The following FER variants were observed in gnomAD, a reference collection of about 807,000 sequenced individuals.
FER encodes tyrosine-protein kinase Fer.
FER carries 63 observed loss-of-function variants against 111.0 expected under a neutral mutation model. The ratio of observed to expected loss-of-function variants is 0.57; its 90% CI spans 0.46 to 0.70. The LOEUF (loss-of-function observed/expected upper bound fraction) is 0.70. Among genes scored for constraint, FER ranks in the 30% least tolerant of loss-of-function variants. FER has a pLI of 0.00. For missense variants in FER, 914 were observed against 954.0 expected, an observed-to-expected ratio of 0.96 and a Z score of 0.55; for synonymous variants, 327 against 313.9, an observed-to-expected ratio of 1.04 and a Z score of -0.44.
At position 109,186,265 on chromosome 5, in the gene FER, G is replaced by C; in HGVS notation, c.2269G>C (p.Gly757Arg). 6.2e-7 allele frequency: 1 copy of C among 1,614,114 alleles called. No individual in the cohort carries two copies. Among genetic ancestry groups the C allele is most frequent in the Non-Finnish European group, 8.5e-7 (1 of 1,179,994 alleles). Residue 757 changes from glycine (G) to arginine (R), a missense_variant, in exon 19 of 20, where the codon GGG (glycine) becomes CGG (arginine). Gly to Arg is a moderately radical substitution (Grantham distance 125). Around this residue, in one of 3 missense-constraint regions of FER, gnomAD observed 134 missense variants for 149.4 expected, o/e 0.90. Coordinates refer to ENST00000281092, the MANE Select transcript of FER (RefSeq NM_005246.4). ...GILLWETFSL[G>R]VCPYPGMTNQ... Reference sequence around the variant, plus strand: ...CCTTCTCTGGGAGACCTTCAGCTTAGGGGTTTGTCCGTACCCTGGAATGAC... The same window carrying C: ...CCTTCTCTGGGAGACCTTCAGCTTACGGGTTTGTCCGTACCCTGGAATGAC...
At chr5:109,025,947 T>C (rs973935215) in intron 13 of FER, among the ~76,000 whole-genome samples, 1 of 152,190 alleles carries the variant, frequency 6.6e-6, no homozygotes, top group Non-Finnish European at 1.5e-5. Flanking sequence ...TTTTCACTTA[T>C]TATCACCTGC....
At chr5:108,894,906 C>G (rs1748829197) in intron 9 of FER, among the ~76,000 whole-genome samples, 1 of 152,108 alleles carries the variant, frequency 6.6e-6, no homozygotes, top group African/African-American at 2.4e-5. Context: ...ACAGGTCCCT[C>G]TCATGATACG....
At chr5:109,050,106 T>C (rs370454950) in intron 16 of FER, among the ~76,000 whole-genome samples, 2 of 152,340 alleles carry the variant, frequency 1.3e-5, no homozygotes, top group East Asian at 3.9e-4. Flanking sequence ...CTAAAGCCTG[T>C]TTACAGTACT....
chr5:109,082,241 G>A (rs567778444), intron 16 of FER, among the ~76,000 whole-genome samples: 8 of 152,104 alleles, frequency 5.3e-5, no homozygotes, highest in Non-Finnish European at 1.2e-4. Flanking sequence ...CATTTTGTGA[G>A]ATGGCTAGCT....
chr5:108,752,822 T>A, intron 1 of FER, among the ~76,000 whole-genome samples: 1 of 152,100 alleles, frequency 6.6e-6, no homozygotes, highest in Non-Finnish European at 1.5e-5. Flanking sequence ...AGACAATTAC[T>A]AATTTTTATT....
At chr5:109,098,783 A>C (rs1747850892) in intron 16 of FER, among the ~76,000 whole-genome samples, 1 of 151,696 alleles carries the variant, frequency 6.6e-6, no homozygotes, top group Non-Finnish European at 1.5e-5. Flanking sequence ...TCTCTTAAAA[A>C]TAACAGGAAA....
intron 13 of FER, among the ~76,000 whole-genome samples, chr5:109,015,930 A>G (rs1203391531): frequency 6.6e-6 from 1 of 151,860 alleles, no homozygotes; most frequent in Non-Finnish European, 1.5e-5. Flanking sequence ...ATTGCATCTC[A>G]GATTTACCTT....
chr5:108,992,980 T>C (rs1420790729), intron 13 of FER, among the ~76,000 whole-genome samples: 13 of 143,454 alleles, frequency 9.1e-5, no homozygotes, highest in Non-Finnish European at 1.8e-4. Flanking sequence ...CTAGATGGGA[T>C]GGCGGCCGGG....
chr5:108,978,726 A>T (rs546528215), intron 13 of FER, among the ~76,000 whole-genome samples: 1 of 152,218 alleles, frequency 6.6e-6, no homozygotes, highest in Admixed American at 6.5e-5. Flanking sequence ...ATATATACTC[A>T]TAGATGCAAA....
intron 10 of FER, among the ~76,000 whole-genome samples, chr5:108,918,540 G>A (rs1267334319): frequency 1.3e-5 from 2 of 149,480 alleles, no homozygotes; most frequent in Non-Finnish European, 3.0e-5. Flanking sequence ...AGGCTGGAGT[G>A]CAGTGGTGCG....
At chr5:109,177,583 T>C (rs1008002081) in intron 17 of FER, 2 of 152,160 alleles carry the variant, frequency 1.3e-5, no homozygotes, top group Admixed American at 6.5e-5. Context: ...TTCTAGACAG[T>C]GAAGAAAATT....
At chr5:109,101,867 G>A (rs1038075528) in intron 17 of FER, among the ~76,000 whole-genome samples, 1 of 152,108 alleles carries the variant, frequency 6.6e-6, no homozygotes, top group East Asian at 1.9e-4. Context: ...GTATTGAGGT[G>A]CTTCAAATTC....
chr5:109,151,822 A>T (rs1042543473), intron 17 of FER, among the ~76,000 whole-genome samples: 1 of 152,086 alleles, frequency 6.6e-6, no homozygotes, highest in African/African-American at 2.4e-5. Flanking sequence ...TATGTGACAA[A>T]ATTTGAAAAA....
At chr5:108,959,417 T>C in intron 13 of FER, 70 bp downstream of exon 13, 2 of 1,481,204 alleles carry the variant, frequency 1.4e-6, no homozygotes, top group Non-Finnish European at 1.8e-6. Context: ...TTTCCAACAG[T>C]AAATAAAATT....
At chr5:108,823,390 A>G (rs1222511637) in intron 3 of FER, among the ~76,000 whole-genome samples, 1 of 152,170 alleles carries the variant, frequency 6.6e-6, no homozygotes. Flanking sequence ...CCTAATTTAC[A>G]TTTCCATCAA....
At chr5:109,168,725 T>C (rs188192092) in intron 17 of FER, among the ~76,000 whole-genome samples, 90 of 152,320 alleles carry the variant, frequency 5.9e-4, no homozygotes, top group African/African-American at 2.0e-3. Flanking sequence ...TTCACAGAAT[T>C]TTAAAATCCT....
intron 17 of FER, among the ~76,000 whole-genome samples, chr5:109,102,319 G>A (rs1274484795): frequency 6.6e-6 from 1 of 152,058 alleles, no homozygotes; most frequent in African/African-American, 2.4e-5. Context: ...TTTGCCTACT[G>A]GGAAGGTTTC....
At chr5:109,091,455 A>C (rs980218705) in intron 16 of FER, among the ~76,000 whole-genome samples, 1 of 152,196 alleles carries the variant, frequency 6.6e-6, no homozygotes, top group Non-Finnish European at 1.5e-5. Flanking sequence ...GGATGCCTCC[A>C]CCCAGATTCC....
chr5:108,792,579 C>T (rs1278691187), intron 2 of FER, among the ~76,000 whole-genome samples: 1 of 152,050 alleles, frequency 6.6e-6, no homozygotes, highest in East Asian at 1.9e-4. Context: ...TCAGGTGATC[C>T]ACCTGCCTCA....
Sources: allele counts gnomAD v4.1 joint callset (sites outside exome capture counted in the v4.1 genomes callset), GRCh38; gene constraint gnomAD v4.1.1; regional missense constraint gnomAD v4.1.1; transcripts MANE v1.5; gene names NCBI Gene and HGNC (gene_info 2026-07-23, HGNC 2026-07-21).